The following LRP1B variants were observed in gnomAD, a reference collection of about 807,000 sequenced individuals.
LRP1B encodes low-density lipoprotein receptor-related protein 1B.
LRP1B carries 217 observed loss-of-function variants against 556.6 expected under a neutral mutation model. The observed-to-expected ratio is 0.39, with a 90% CI of 0.35 to 0.44. The LOEUF (loss-of-function observed/expected upper bound fraction) is 0.44. Among genes scored for constraint, LRP1B ranks in the 20% least tolerant of loss-of-function variants. LRP1B has a pLI of 1.00. For synonymous variants in LRP1B, 2,047 were observed against 1,865.8 expected, an observed-to-expected ratio of 1.10 and a Z score of -2.50; for missense variants, 5,053 against 5,620.8, an observed-to-expected ratio of 0.90 and a Z score of 3.23.
chr2:141,126,629 T>G (rs981350264), intron 7 of LRP1B, among the ~76,000 whole-genome samples: 1 of 152,138 alleles, frequency 6.6e-6, no homozygotes, highest in Admixed American at 6.5e-5. Flanking sequence ...AGACACTTTT[T>G]CAACACAATA....
In LRP1B at chr2:140,378,269, A is replaced by G; in HGVS notation, c.10549T>C (p.Leu3517=). 1 of 1,609,466 alleles carries G rather than the reference A, an allele frequency of 6.2e-7. No individual in the cohort carries two copies. Among genetic ancestry groups the G allele is most frequent in the Non-Finnish European group, 8.5e-7 (1 of 1,176,012 alleles). Reference sequence around the variant, plus strand: ...CCATTGGCACAGAGGAAATCTTTCAATGTACATGTCTGTGGCTCTGGGGAT... The same window carrying G: ...CCATTGGCACAGAGGAAATCTTTCAGTGTACATGTCTGTGGCTCTGGGGAT... The part of the protein sequence containing the change: ...EENCKPQTCT[L]KDFLCANGDC... The change falls in exon 68 of 91, where the codon TTG becomes CTG. Residue 3517 remains leucine, a synonymous_variant. Coordinates refer to ENST00000389484, the MANE Select transcript of LRP1B (RefSeq NM_018557.3).
chr2:141,375,524 T>A (rs1210988709), intron 3 of LRP1B, among the ~76,000 whole-genome samples: 1 of 151,944 alleles, frequency 6.6e-6, no homozygotes, highest in Non-Finnish European at 1.5e-5. Context: ...ATCTGTGATG[T>A]CTTGGGCGGG....
intron 60 of LRP1B, among the ~76,000 whole-genome samples, chr2:140,459,820 C>T (rs981966076): frequency 6.6e-6 from 1 of 151,992 alleles, no homozygotes; most frequent in Non-Finnish European, 1.5e-5. Context: ...TTGCTATTCT[C>T]CTGCTAGTGA....
chr2:141,164,281 C>T (rs1027283743), intron 7 of LRP1B, among the ~76,000 whole-genome samples: 2 of 151,836 alleles, frequency 1.3e-5, no homozygotes, highest in Admixed American at 1.3e-4. Flanking sequence ...AGGGATACAA[C>T]TTAATCATTA....
intron 41 of LRP1B, among the ~76,000 whole-genome samples, chr2:140,691,255 T>A (rs1465533103): frequency 1.3e-5 from 2 of 152,102 alleles, no homozygotes; most frequent in African/African-American, 4.8e-5. Flanking sequence ...GTGGATCACC[T>A]GAGGTTGGGA....
In LRP1B at chr2:141,309,519, G is replaced by A. The variant is rs538432477; in HGVS notation, c.344-54878C>T. Among the ~76,000 whole-genome samples the A allele has an allele frequency of 6.6e-5, 10 of 152,304 alleles. No individual in the cohort carries two copies. In the East Asian group the frequency reaches 1.7e-3, roughly 26 times the overall value. ...CCATGAGGATTCCACTCTCATGAAT[G>A]GGATTAGTGGCCTTATGAAGAGACT... On this transcript the variant is annotated intron_variant, in intron 3 of 90. Coordinates refer to ENST00000389484, the MANE Select transcript of LRP1B (RefSeq NM_018557.3).
intron 74 of LRP1B, among the ~76,000 whole-genome samples, chr2:140,357,108 C>T (rs1434699627): frequency 1.3e-5 from 2 of 151,596 alleles, no homozygotes; most frequent in African/African-American, 2.4e-5. Context: ...ACTTTATCTC[C>T]CATTCAGGAA....
intron 1 of LRP1B, among the ~76,000 whole-genome samples, chr2:141,881,503 G>A (rs1698956721): frequency 6.6e-6 from 1 of 152,038 alleles, no homozygotes; most frequent in Non-Finnish European, 1.5e-5. Context: ...CCTCTGGGGA[G>A]TAGGCATGGA....
At chr2:142,124,659 CTTAT>C (rs1178069603) in intron 1 of LRP1B, among the ~76,000 whole-genome samples, 6 of 151,604 alleles carry the variant, frequency 4.0e-5, no homozygotes, top group Non-Finnish European at 8.9e-5. Flanking sequence ...ATTCAGAATA[CTTAT>C]TTATTTTCTA....
intron 37 of LRP1B, among the ~76,000 whole-genome samples, chr2:140,705,330 C>G (rs1413505951): frequency 1.3e-5 from 2 of 151,488 alleles, no homozygotes; most frequent in Admixed American, 1.3e-4. Context: ...TTGAGACAAG[C>G]CTGGCCAACA....
chr2:140,383,230 C>T (rs532344210), intron 67 of LRP1B, among the ~76,000 whole-genome samples: 1 of 151,562 alleles, frequency 6.6e-6, no homozygotes, highest in African/African-American at 2.4e-5. Flanking sequence ...TAACATTGAT[C>T]AATAATATTT....
rs182010555 is a variant in LRP1B at position 141,304,541 on chromosome 2, G to A, written c.344-49900C>T. On this transcript the variant is annotated intron_variant, in intron 3 of 90. Transcript: ENST00000389484. Reference sequence around the variant, plus strand: ...GCCACCCAGGCTCAAGTACAGTGGCGTGATCTTGGCTCACTGCAACCTCCA... The same window carrying A: ...GCCACCCAGGCTCAAGTACAGTGGCATGATCTTGGCTCACTGCAACCTCCA... Among the ~76,000 whole-genome samples, 497 of 142,302 alleles carry A rather than the reference G, an allele frequency of 3.5e-3. 1 individual carries two copies. Among genetic ancestry groups the A allele is most frequent in the African/African-American group, 0.012 (473 of 38,172 alleles). 93.4% of individuals were successfully genotyped at this position (142,302 alleles called of 152,430 possible). A position where few individuals can be genotyped will look rare whatever the true frequency, so the allele number is the denominator to read the frequency against.
intron 3 of LRP1B, among the ~76,000 whole-genome samples, chr2:141,350,851 G>A (rs542217453): frequency 1.6e-4 from 24 of 152,084 alleles, no homozygotes; most frequent in African/African-American, 5.5e-4. Flanking sequence ...GGCCGCCATT[G>A]GAATAAGTTA....
chr2:140,738,894 T>G (rs1009996853), intron 35 of LRP1B, among the ~76,000 whole-genome samples: 1 of 152,200 alleles, frequency 6.6e-6, no homozygotes, highest in Non-Finnish European at 1.5e-5. Flanking sequence ...CTTTATTTAG[T>G]CTATAATTGG....
chr2:141,305,035 G>C (rs754704747), intron 3 of LRP1B, among the ~76,000 whole-genome samples: 23 of 152,138 alleles, frequency 1.5e-4, no homozygotes, highest in Middle Eastern at 3.4e-3. Flanking sequence ...CTACATTTTT[G>C]TTCTTTTTGC....
At position 140,878,191 on chromosome 2, in the gene LRP1B, G is replaced by A. The variant is rs539709722; in HGVS notation, c.4169+5626C>T. Among the ~76,000 whole-genome samples the A allele has an allele frequency of 1.2e-4, 18 of 152,188 alleles. No individual in the cohort carries two copies. In the South Asian group the frequency reaches 3.5e-3, roughly 30 times the overall value. ...TTTATTACACAATCCCTACTAGTTT[G>A]TGTACTTTAATATTTCTGTAATAAA... On this transcript the variant is annotated intron_variant, in intron 25 of 90. Transcript: ENST00000389484.
At chr2:140,623,956 G>GTATATATCTATATATATATATA (rs1683555269) in intron 41 of LRP1B, among the ~76,000 whole-genome samples, 1 of 106,436 alleles carries the variant, frequency 9.4e-6, no homozygotes, top group Non-Finnish European at 1.9e-5. Context: ...TTTTATTTAT[G>GTATATATCTATATATATATATA]TATATATATA....
At chr2:140,519,224 C>T (rs1213701814) in intron 49 of LRP1B, among the ~76,000 whole-genome samples, 1 of 152,108 alleles carries the variant, frequency 6.6e-6, no homozygotes, top group Non-Finnish European at 1.5e-5. Flanking sequence ...TACAAGGCCA[C>T]AGTAACCAAA....
chr2:141,521,137 G>A (rs1410464876), intron 2 of LRP1B, among the ~76,000 whole-genome samples: 1 of 152,104 alleles, frequency 6.6e-6, no homozygotes, highest in East Asian at 1.9e-4. Flanking sequence ...ACAAGTCAGG[G>A]TTGGGGATAT....
Sources: gnomAD v4.1 joint callset for allele counts (sites outside exome capture counted in the v4.1 genomes callset) on GRCh38, gnomAD v4.1.1 for gene constraint, MANE v1.5 for transcripts, NCBI Gene and HGNC (gene_info 2026-07-23, HGNC 2026-07-21) for gene names.